CNOT6L: variants seen among roughly 807,000 people sequenced by gnomAD.
The protein encoded by CNOT6L is CCR4-NOT transcription complex subunit 6 like, also known as CCR4-NOT transcription complex subunit 6-like.
Under a neutral mutation model 64.0 loss-of-function variants are expected in CNOT6L, and 7 were observed. That is an observed-to-expected ratio of 0.11 (90% confidence interval 0.06 to 0.21). The LOEUF (loss-of-function observed/expected upper bound fraction) is 0.21, where lower values mean the gene tolerates loss of function less well. CNOT6L is among the 10% of genes least tolerant of loss of function. The probability of loss-of-function intolerance (pLI) is 1.00; values close to 1 mark genes in which losing one functional copy is unlikely to be tolerated. For synonymous variants in CNOT6L, 193 were observed against 243.4 expected (o/e 0.79, Z 1.93); for missense variants, 245 against 669.0 (o/e 0.37, Z 6.99).
At chr4:77,739,737 G>T (rs1723369727) in intron 8 of CNOT6L, among the ~76,000 whole-genome samples, 1 of 152,126 alleles carries the variant, frequency 6.6e-6, no homozygotes, top group African/African-American at 2.4e-5. Context: ...GGAAAAAAGA[G>T]TTGAGGAAGA....
chr4:77,796,878 C>T (rs985889105), intron 1 of CNOT6L, among the ~76,000 whole-genome samples: 1 of 151,890 alleles, frequency 6.6e-6, no homozygotes. Context: ...CTCAGGAGTT[C>T]GAGACCAGCC....
intron 4 of CNOT6L, among the ~76,000 whole-genome samples, chr4:77,768,127 T>C (rs1727076158): frequency 6.6e-6 from 1 of 151,980 alleles, no homozygotes; most frequent in African/African-American, 2.4e-5. Context: ...CACACAAATG[T>C]ACTAACTACA....
intron 4 of CNOT6L, among the ~76,000 whole-genome samples, chr4:77,771,318 G>A (rs1560414384): frequency 6.6e-6 from 1 of 151,350 alleles, no homozygotes; most frequent in Non-Finnish European, 1.5e-5. Flanking sequence ...CAACAAAAGT[G>A]AAACTCCATC....
At chr4:77,807,293 A>AAAAAAAT (rs1553899159) in intron 1 of CNOT6L, among the ~76,000 whole-genome samples, 22 of 150,982 alleles carry the variant, frequency 1.5e-4, no homozygotes, top group African/African-American at 5.1e-4. Context: ...AAAAAAAAAA[A>AAAAAAAT]TCCTACAATC....
At position 77,731,539 on chromosome 4, in the gene CNOT6L, C is replaced by T; in HGVS notation, c.873-1G>A. ...TGTATGCTTCTGCACCAATGTAAAT[C>T]TAAAAGGTACATTATTATAATTTTA... is the stretch of plus-strand genomic sequence containing the variant. On this transcript the variant is annotated splice_acceptor_variant, in intron 8 of 11. Transcript: ENST00000504123. LOFTEE classifies it high-confidence loss of function. 6.5e-7 allele frequency: 1 copy of T among 1,549,034 alleles called. No homozygotes were observed. The highest frequency in any genetic ancestry group is 8.7e-7 in the Non-Finnish European group (1 of 1,152,626).
At chr4:77,735,189 T>C (rs1259204824) in intron 8 of CNOT6L, among the ~76,000 whole-genome samples, 1 of 152,176 alleles carries the variant, frequency 6.6e-6, no homozygotes, top group Non-Finnish European at 1.5e-5. Context: ...AAGCTCCCTG[T>C]TGAGTCACCT....
intron 7 of CNOT6L, among the ~76,000 whole-genome samples, chr4:77,743,948 T>A (rs1190789086): frequency 6.6e-6 from 1 of 152,178 alleles, no homozygotes; most frequent in African/African-American, 2.4e-5. Flanking sequence ...AGTAAGTTTC[T>A]GAGTTGATGA....
intron 1 of CNOT6L, among the ~76,000 whole-genome samples, chr4:77,808,946 G>A (rs982687740): frequency 1.4e-4 from 22 of 152,252 alleles, no homozygotes; most frequent in African/African-American, 4.3e-4. Context: ...TCTTGGGCAC[G>A]TTAATTAACT....
At chr4:77,739,726 A>G (rs1033154447) in intron 8 of CNOT6L, among the ~76,000 whole-genome samples, 1 of 152,068 alleles carries the variant, frequency 6.6e-6, no homozygotes, top group Non-Finnish European at 1.5e-5. Context: ...GTTACTATTC[A>G]GGAAAAAAGA....
At chr4:77,790,074 C>T (rs1014056409) in intron 1 of CNOT6L, among the ~76,000 whole-genome samples, 60 of 152,176 alleles carry the variant, frequency 3.9e-4, no homozygotes, top group African/African-American at 1.4e-3. Context: ...CATTCCCTCT[C>T]CCCCTCCCCC....
intron 8 of CNOT6L, among the ~76,000 whole-genome samples, chr4:77,736,456 A>G (rs1722956264): frequency 6.6e-6 from 1 of 152,180 alleles, no homozygotes; most frequent in South Asian, 2.1e-4. Context: ...ATAATTACCC[A>G]TATTCTATCC....
At chr4:77,796,490 T>C (rs977001067) in intron 1 of CNOT6L, among the ~76,000 whole-genome samples, 4 of 152,122 alleles carry the variant, frequency 2.6e-5, no homozygotes, top group Non-Finnish European at 5.9e-5. Context: ...TGCTCTGCCA[T>C]GCTAAGACAT....
chr4:77,775,355 C>T lies in CNOT6L; in HGVS notation c.128-639G>A, dbSNP rs550668479. On this transcript the variant is annotated intron_variant, in intron 2 of 11. Coordinates refer to ENST00000504123, the MANE Select transcript of CNOT6L (RefSeq NM_144571.3). Reference sequence around the variant, plus strand: ...TGAATGCCTACTGGGGAAAAAATGGCATTTTATATATAATCTGTATTATAC... The same window carrying T: ...TGAATGCCTACTGGGGAAAAAATGGTATTTTATATATAATCTGTATTATAC... 2.2e-4 allele frequency among the ~76,000 whole-genome samples: 34 copies of T among 152,140 alleles called. 1 individual carries two copies. In the South Asian group the frequency reaches 6.6e-3, roughly 30 times the overall value.
chr4:77,810,315 T>A (rs1732768969), intron 1 of CNOT6L, among the ~76,000 whole-genome samples: 1 of 152,184 alleles, frequency 6.6e-6, no homozygotes, highest in Non-Finnish European at 1.5e-5. Context: ...TTTACCTTAC[T>A]GAGCAAAGTT....
rs142405311 is a variant in CNOT6L, at chr4:77,818,788, G to C, written c.5+516C>G. ...GCTCGCCGTCCCGGGAGGCGTCCGG[G>C]GAGGTGGGCGGGCGCCCAGGCAGTT... On this transcript the variant is annotated intron_variant, in intron 1 of 11. Transcript: ENST00000504123. Among the ~76,000 whole-genome samples, 6 of 152,006 alleles carry C rather than the reference G, an allele frequency of 3.9e-5. No homozygotes were observed. The South Asian group carries it at 1.2e-3, about 31-fold the overall frequency.
chr4:77,734,572 G>A (rs1331779507), intron 8 of CNOT6L, among the ~76,000 whole-genome samples: 1 of 152,114 alleles, frequency 6.6e-6, no homozygotes, highest in Non-Finnish European at 1.5e-5. Context: ...TGTGGTCTCA[G>A]CTGATTCTTG....
intron 1 of CNOT6L, among the ~76,000 whole-genome samples, chr4:77,785,407 G>GA (rs1402110954): frequency 4.0e-5 from 6 of 151,406 alleles, no homozygotes; most frequent in Admixed American, 6.6e-5. Context: ...ATCCATAAAA[G>GA]AAAAAACACT....
At chr4:77,795,645 C>T (rs1730745520) in intron 1 of CNOT6L, among the ~76,000 whole-genome samples, 1 of 152,128 alleles carries the variant, frequency 6.6e-6, no homozygotes, top group South Asian at 2.1e-4. Flanking sequence ...CACCTTCCAC[C>T]ATGATTGTTA....
At chr4:77,754,894 A>AAAAAAAC (rs1725320079) in intron 5 of CNOT6L, among the ~76,000 whole-genome samples, 16 of 127,560 alleles carry the variant, frequency 1.3e-4, no homozygotes, top group Admixed American at 5.6e-4. Context: ...GAAGTAAAAA[A>AAAAAAAC]AAAAAAAAAA....
Sources: allele counts gnomAD v4.1 joint callset (sites outside exome capture counted in the v4.1 genomes callset), GRCh38; gene constraint gnomAD v4.1.1; transcripts MANE v1.5; gene names NCBI Gene and HGNC (gene_info 2026-07-23, HGNC 2026-07-21).